Variants in BEAN1 observed in about 807,000 individuals in gnomAD.
BEAN1 encodes the protein protein BEAN1.
A neutral mutation model predicts 17.7 loss-of-function variants in BEAN1; 17 were observed. That is an observed-to-expected ratio of 0.96 (90% CI 0.66 to 1.44). BEAN1 has a LOEUF of 1.44. Ranked by LOEUF, BEAN1 falls within the 40% of genes most tolerant of loss-of-function variation. The probability of loss-of-function intolerance (pLI) is 0.00; values close to 1 mark genes in which losing one functional copy is unlikely to be tolerated. For synonymous variants in BEAN1, 142 were observed against 151.8 expected, an observed-to-expected ratio of 0.94 and a Z score of 0.47; for missense variants, 359 against 374.1, an observed-to-expected ratio of 0.96 and a Z score of 0.33.
downstream of BEAN1, among the ~76,000 whole-genome samples, chr16:66,494,647 G>A (rs180909224): frequency 1.6e-3 from 238 of 152,244 alleles, 1 homozygote; most frequent in Middle Eastern, 0.014. Context: ...TAGACAACTG[G>A]ATGTGTAGTA....
At chr16:66,474,890 C>G (rs564183070) in intron 3 of BEAN1, among the ~76,000 whole-genome samples, 1 of 152,258 alleles carries the variant, frequency 6.6e-6, no homozygotes, top group South Asian at 2.1e-4. Context: ...AGTGACTTCA[C>G]TCTCGGTCTC....
At chr16:66,437,568 A>C in intron 1 of BEAN1, 27 bp from the exon 2 acceptor site, 2 of 1,344,434 alleles carry the variant, frequency 1.5e-6, no homozygotes, top group Non-Finnish European at 2.0e-6. Flanking sequence ...TGGGCCCCCC[A>C]ACACCTGCCT....
intron 4 of BEAN1, among the ~76,000 whole-genome samples, chr16:66,488,478 G>A (rs1964118864): frequency 2.1e-5 from 3 of 144,340 alleles, no homozygotes; most frequent in Non-Finnish European, 1.5e-5. Flanking sequence ...CTCAGGAGTT[G>A]GAAACCAGCC....
rs1359170705 is a variant in BEAN1 at position 66,427,620 on chromosome 16, C to G, written c.-83+189C>G. The G allele has an allele frequency of 1.3e-5, 2 of 152,112 alleles. No homozygotes were observed. The highest frequency in any genetic ancestry group is 4.8e-5 in the African/African-American group (2 of 41,432). 9.4% of individuals were successfully genotyped at this position (152,112 alleles called of 1,614,324 possible). A position where few individuals can be genotyped will look rare whatever the true frequency, so the allele number is the denominator to read the frequency against. ...CAGCGCGCTCGGAACGGAGCGGGAT[C>G]CCGGGTCTCCCGCGGACCCTCGACC... On this transcript the variant is annotated intron_variant, in intron 1 of 4. Coordinates refer to ENST00000536005, the MANE Select transcript of BEAN1 (RefSeq NM_001178020.3). The surrounding 1 kb of genome is among the most constrained non-coding windows in gnomAD (Gnocchi z 4.7).
intron 2 of BEAN1, among the ~76,000 whole-genome samples, chr16:66,446,596 C>T (rs551906077): frequency 3.3e-5 from 5 of 152,076 alleles, no homozygotes; most frequent in South Asian, 4.2e-4. Context: ...GTGTGAATGC[C>T]GCTCAGTGCT....
chr16:66,470,353 G>T (rs940876412), intron 3 of BEAN1, among the ~76,000 whole-genome samples: 5 of 152,010 alleles, frequency 3.3e-5, no homozygotes, highest in African/African-American at 7.3e-5. Context: ...TCAGTGGATG[G>T]GTGGAGAGAT....
At chr16:66,491,551 G>A (rs1406730128) in intron 4 of BEAN1, among the ~76,000 whole-genome samples, 1 of 152,188 alleles carries the variant, frequency 6.6e-6, no homozygotes, top group Non-Finnish European at 1.5e-5. Context: ...CAGCTAGCAA[G>A]TGGTACAACT....
intron 2 of BEAN1, among the ~76,000 whole-genome samples, chr16:66,456,545 T>C (rs1962874734): frequency 6.6e-6 from 1 of 152,200 alleles, no homozygotes; most frequent in Non-Finnish European, 1.5e-5. Context: ...TAGATGGTGA[T>C]GGAAGAGAAG....
intron 3 of BEAN1, among the ~76,000 whole-genome samples, chr16:66,474,630 G>A (rs1325779635): frequency 1.4e-4 from 7 of 48,972 alleles, no homozygotes; most frequent in South Asian, 1.3e-3. Flanking sequence ...GGGAGGGAGG[G>A]AGGGAGGGAG....
intron 3 of BEAN1, among the ~76,000 whole-genome samples, chr16:66,474,549 G>A: frequency 9.6e-6 from 1 of 103,696 alleles, no homozygotes; most frequent in Non-Finnish European, 1.9e-5. Flanking sequence ...GAAGAAAGAG[G>A]GAGGGAGAGA....
At chr16:66,432,064 C>A (rs564889918) in intron 1 of BEAN1, among the ~76,000 whole-genome samples, 18 of 151,470 alleles carry the variant, frequency 1.2e-4, no homozygotes, top group Admixed American at 2.6e-4. Flanking sequence ...TCTGAAAAAA[C>A]AAACAAACAA....
chr16:66,455,860 T>C (rs530103628), intron 2 of BEAN1, among the ~76,000 whole-genome samples: 93 of 152,298 alleles, frequency 6.1e-4, no homozygotes, highest in African/African-American at 2.2e-3. Context: ...CTAATTTTGG[T>C]ATTTTTTTAA....
At chr16:66,451,786 A>G (rs748230589) in intron 2 of BEAN1, among the ~76,000 whole-genome samples, 5 of 152,202 alleles carry the variant, frequency 3.3e-5, no homozygotes, top group Non-Finnish European at 7.3e-5. Context: ...ACTTGAACCC[A>G]GGATTGTCTG....
In BEAN1 at chr16:66,469,617, G is replaced by C; in HGVS notation, c.41G>C (p.Arg14Pro). The C allele has an allele frequency of 6.5e-7, 1 of 1,535,860 alleles. No homozygotes were observed. Among genetic ancestry groups the C allele is most frequent in the Non-Finnish European group, 8.7e-7 (1 of 1,146,688 alleles). ...CTGTCCACAGTAGCACGATACAACC[G>C]CACCAGCTACTTCTACCCCACATTC... Reference protein sequence around the residue: ...KRPCPLARYNRTSYFYPTFSE... With the variant: ...KRPCPLARYNPTSYFYPTFSE... The change falls in exon 3 of 5, where the codon CGC (arginine) becomes CCC (proline). Residue 14 changes from arginine (R) to proline (P), a missense_variant. Coordinates refer to ENST00000536005, the MANE Select transcript of BEAN1 (RefSeq NM_001178020.3).
At chr16:66,464,264 A>G (rs1963186158) in intron 2 of BEAN1, among the ~76,000 whole-genome samples, 1 of 152,166 alleles carries the variant, frequency 6.6e-6, no homozygotes, top group South Asian at 2.1e-4. Flanking sequence ...AAACATGAAC[A>G]TGGGATGTCT....
intron 2 of BEAN1, among the ~76,000 whole-genome samples, chr16:66,453,370 T>TTGTACAC (rs1962749233): frequency 6.8e-6 from 1 of 146,266 alleles, no homozygotes; most frequent in Non-Finnish European, 1.5e-5. Context: ...CACACACACA[T>TTGTACAC]TGTTTTGTTT....
At chr16:66,459,612 C>T (rs1167007171) in intron 2 of BEAN1, among the ~76,000 whole-genome samples, 1 of 152,170 alleles carries the variant, frequency 6.6e-6, no homozygotes, top group African/African-American at 2.4e-5. Flanking sequence ...TGAGCCACTG[C>T]ACCTGTCCCA....
In BEAN1 at chr16:66,482,105, C is replaced by T. The variant is rs1293814259; in HGVS notation, c.*1180C>T. 6.6e-6 allele frequency: 1 copy of T among 152,260 alleles called. No individual in the cohort carries two copies. The highest frequency in any genetic ancestry group is 1.5e-5 in the Non-Finnish European group (1 of 68,066). 9.4% of individuals were successfully genotyped at this position (152,260 alleles called of 1,614,324 possible). On this transcript the variant is annotated 3_prime_UTR_variant, in exon 5 of 5. Coordinates refer to ENST00000536005, the MANE Select transcript of BEAN1 (RefSeq NM_001178020.3). ...CAGCCTGGCTGCAGAAAGGCTGGCT[C>T]AGATCTTGACCAAGAAACCCCAGCG...
At chr16:66,474,743 GAGAA>G (rs199517876) in intron 3 of BEAN1, among the ~76,000 whole-genome samples, 2,615 of 151,698 alleles carry the variant, frequency 0.017, 33 homozygotes, top group Non-Finnish European at 0.021. Flanking sequence ...AGAAAGGAAA[GAGAA>G]AGAAAGAAAG....
Sources: allele counts gnomAD v4.1 joint callset (sites outside exome capture counted in the v4.1 genomes callset), GRCh38; gene constraint gnomAD v4.1.1; non-coding constraint Gnocchi (gnomAD v3.1); transcripts MANE v1.5; gene names NCBI Gene and HGNC (gene_info 2026-07-23, HGNC 2026-07-21).